The following ANKRD11 variants were observed in gnomAD, a reference collection of about 807,000 sequenced individuals.
The protein encoded by ANKRD11 is ankyrin repeat domain 11.
In ANKRD11, 17 loss-of-function variants were observed where a neutral mutation model predicts 195.7. That is an observed-to-expected ratio of 0.09 (90% confidence interval 0.06 to 0.13). The LOEUF (loss-of-function observed/expected upper bound fraction) is 0.13, where lower values mean the gene tolerates loss of function less well. Ranked by LOEUF, ANKRD11 falls within the 10% of genes least tolerant of loss-of-function variation. The probability of loss-of-function intolerance (pLI) is 1.00; values close to 1 mark genes in which losing one functional copy is unlikely to be tolerated. For synonymous variants in ANKRD11, 1,953 were observed against 1,528.1 expected (o/e 1.28, Z -6.49); for missense variants, 3,735 against 3,566.1 (o/e 1.05, Z -1.21).
At chr16:89,352,341 C>G (rs2039260779) in intron 2 of ANKRD11, among the ~76,000 whole-genome samples, 1 of 151,812 alleles carries the variant, frequency 6.6e-6, no homozygotes, top group Middle Eastern at 3.4e-3. Context: ...AGTCAAGAAG[C>G]CAGGGGTCTA....
chr16:89,426,560 CACACACAA>C (rs1226999212), intron 1 of ANKRD11, among the ~76,000 whole-genome samples: 83 of 151,914 alleles, frequency 5.5e-4, no homozygotes, highest in African/African-American at 2.0e-3. Flanking sequence ...CACACACACA[CACACACAA>C]ATCTGAAATC....
rs1567559982 is a variant in ANKRD11 at position 89,280,488 on chromosome 16, AGGGGCGGGG to A, written c.6045_6053del (p.Pro2018_Ala2020del). The A allele has an allele frequency of 1.9e-6, 3 of 1,578,992 alleles. No individual in the cohort carries two copies. The highest frequency in any genetic ancestry group is 2.6e-6 in the Non-Finnish European group (3 of 1,164,068). On this transcript the variant is annotated inframe_deletion, in exon 9 of 13. Coordinates refer to ENST00000301030, the MANE Select transcript of ANKRD11 (RefSeq NM_013275.6). Reference sequence around the variant, plus strand: ...GAGCGTACGGGGCAGGAGAGGCGGGAGGGGCGGGGTACGGCGCCTCCGAGGCGCTGAAGG... The same window carrying A: ...GAGCGTACGGGGCAGGAGAGGCGGGATACGGCGCCTCCGAGGCGCTGAAGG...
chr16:89,298,809 T>C (rs2035620721), intron 4 of ANKRD11: 1 of 152,234 alleles, frequency 6.6e-6, no homozygotes, highest in South Asian at 2.1e-4. Context: ...AGAAACTGCT[T>C]ACGTCTAGAG....
At chr16:89,336,893 G>C (rs377425325) in intron 2 of ANKRD11, among the ~76,000 whole-genome samples, 18 of 151,948 alleles carry the variant, frequency 1.2e-4, no homozygotes, top group East Asian at 7.8e-4. Flanking sequence ...TGGGAGGCTG[G>C]GTGCGGTGGC....
At chr16:89,333,758 G>C (rs1303561175) in intron 2 of ANKRD11, among the ~76,000 whole-genome samples, 1 of 152,114 alleles carries the variant, frequency 6.6e-6, no homozygotes, top group Non-Finnish European at 1.5e-5. Flanking sequence ...CTGCTTCCAA[G>C]TTTTGGCAAT....
chr16:89,306,756 AC>A, intron 3 of ANKRD11, among the ~76,000 whole-genome samples: 1 of 6,420 alleles, frequency 1.6e-4, no homozygotes, highest in Non-Finnish European at 2.8e-4. Context: ...GACACGCGCC[AC>A]TTACCTCCCA....
At chr16:89,328,474 GT>G (rs1271187647) in intron 2 of ANKRD11, among the ~76,000 whole-genome samples, 2 of 152,248 alleles carry the variant, frequency 1.3e-5, no homozygotes, top group African/African-American at 4.8e-5. Context: ...TCGAAACTGG[GT>G]TTCATTCACA....
chr16:89,424,187 C>A (rs1022687698), intron 1 of ANKRD11, among the ~76,000 whole-genome samples: 1 of 152,144 alleles, frequency 6.6e-6, no homozygotes, highest in Non-Finnish European at 1.5e-5. Flanking sequence ...CAGTGGCTCA[C>A]ACCTATAATC....
At chr16:89,352,571 T>G (rs776053725) in intron 2 of ANKRD11, among the ~76,000 whole-genome samples, 1 of 152,156 alleles carries the variant, frequency 6.6e-6, no homozygotes, top group South Asian at 2.1e-4. Context: ...TCAGGGCCAC[T>G]TCCTCTCGCC....
intron 1 of ANKRD11, among the ~76,000 whole-genome samples, chr16:89,438,444 C>T (rs1467280073): frequency 6.6e-6 from 1 of 152,006 alleles, no homozygotes; most frequent in African/African-American, 2.4e-5. Context: ...CTCACCCACC[C>T]GAGTAGCTGG....
At chr16:89,351,237 A>G (rs1460761568) in intron 2 of ANKRD11, among the ~76,000 whole-genome samples, 1 of 152,218 alleles carries the variant, frequency 6.6e-6, no homozygotes, top group Admixed American at 6.5e-5. Flanking sequence ...GTTCCACGGC[A>G]AAGAATGAAA....
At position 89,284,872 on chromosome 16, in the gene ANKRD11, G is replaced by A. The variant is rs539367470; in HGVS notation, c.1670C>T (p.Pro557Leu). The A allele has an allele frequency of 1.2e-5, 20 of 1,613,958 alleles. No individual in the cohort carries two copies. Among genetic ancestry groups the A allele is most frequent in the South Asian group, 1.1e-5 (1 of 91,080 alleles). The change falls in exon 9 of 13, where the codon CCG (proline) becomes CTG (leucine). Residue 557 changes from proline to leucine, a missense_variant. Coordinates refer to ENST00000301030, the MANE Select transcript of ANKRD11 (RefSeq NM_013275.6). The stretch of plus-strand genomic sequence containing the variant: ...TAAAGAACTGACCTCTGACCAAGCC[G>A]GGGAAGAAATGGTTTTCCAATTGTC... Reference protein sequence around the residue: ...RTDNWKTISSPAWSEVSSLSD... With the variant: ...RTDNWKTISSLAWSEVSSLSD...
At chr16:89,371,361 C>T (rs977547947) in intron 2 of ANKRD11, among the ~76,000 whole-genome samples, 1 of 152,196 alleles carries the variant, frequency 6.6e-6, no homozygotes, top group Non-Finnish European at 1.5e-5. Flanking sequence ...TCCATTCTAC[C>T]ATTTGGTGTC....
At chr16:89,377,220 T>G (rs1165862504) in intron 2 of ANKRD11, among the ~76,000 whole-genome samples, 2 of 152,126 alleles carry the variant, frequency 1.3e-5, no homozygotes, top group East Asian at 1.9e-4. Context: ...TCATAGGACC[T>G]GTAAGGCTCA....
rs779463117 is a variant in ANKRD11 at position 89,283,598 on chromosome 16, C to T, written c.2944G>A (p.Glu982Lys). 1.9e-6 allele frequency: 3 copies of T among 1,610,024 alleles called. No individual in the cohort carries two copies. The highest frequency in any genetic ancestry group is 1.3e-5 in the African/African-American group (1 of 75,052). The change falls in exon 9 of 13, where the codon GAG (glutamate) becomes AAG (lysine). Residue 982 changes from glutamate to lysine, a missense_variant. Physicochemically the swap from Glu to Lys is moderately conservative, Grantham distance 56. Coordinates refer to ENST00000301030, the MANE Select transcript of ANKRD11 (RefSeq NM_013275.6). This position sits in a 1 kb window ranked among gnomAD's most constrained non-coding sequence, Gnocchi z 4.3. Reference protein sequence around the residue: ...HREELKECGCESGFKDKSDGD... With the variant: ...HREELKECGCKSGFKDKSDGD... ...TCGGACTTGTCCTTGAAGCCACTCTCGCAGCCACACTCCTTCAGCTCCTCC... is the reference window on the plus strand; with the variant it reads ...TCGGACTTGTCCTTGAAGCCACTCTTGCAGCCACACTCCTTCAGCTCCTCC...
chr16:89,300,958 C>T (rs891948983), intron 4 of ANKRD11: 6 of 679,562 alleles, frequency 8.8e-6, no homozygotes, highest in Non-Finnish European at 1.3e-5. Context: ...AGGACCCCGG[C>T]GGTCCTAGGC....
At chr16:89,339,319 T>A (rs1469351725) in intron 2 of ANKRD11, among the ~76,000 whole-genome samples, 1 of 151,500 alleles carries the variant, frequency 6.6e-6, no homozygotes, top group Non-Finnish European at 1.5e-5. Context: ...ACCAAAGGAG[T>A]AAGAGAGGCC....
intron 2 of ANKRD11, chr16:89,373,534 G>A (rs1474865285): frequency 2.0e-5 from 3 of 152,278 alleles, no homozygotes; most frequent in Admixed American, 6.5e-5. Context: ...ACGGCTGCAA[G>A]GGGAGGCTAA....
chr16:89,322,882 T>C (rs894421357), intron 2 of ANKRD11, among the ~76,000 whole-genome samples: 1 of 152,238 alleles, frequency 6.6e-6, no homozygotes, highest in Admixed American at 6.5e-5. Flanking sequence ...ACAGCTGTGT[T>C]GCCCAGGCTG....
Sources: allele counts gnomAD v4.1 joint callset (sites outside exome capture counted in the v4.1 genomes callset), GRCh38; gene constraint gnomAD v4.1.1; non-coding constraint Gnocchi (gnomAD v3.1); transcripts MANE v1.5; gene names NCBI Gene and HGNC (gene_info 2026-07-23, HGNC 2026-07-21).